CSRNP3: variants seen among roughly 807,000 people sequenced by gnomAD.
CSRNP3 encodes the protein cysteine and serine rich nuclear protein 3, also known as cysteine/serine-rich nuclear protein 3.
CSRNP3 carries 12 observed loss-of-function variants against 48.0 expected under a neutral mutation model. That is an observed-to-expected ratio of 0.25 (90% CI 0.16 to 0.41). CSRNP3 has a LOEUF of 0.41. Ranked by LOEUF, CSRNP3 falls within the 10% of genes least tolerant of loss-of-function variation. The pLI is 1.00. For synonymous variants in CSRNP3, 263 were observed against 269.7 expected (o/e 0.98, Z 0.24); for missense variants, 580 against 724.4 (o/e 0.80, Z 2.29).
intron 3 of CSRNP3, among the ~76,000 whole-genome samples, chr2:165,521,704 A>G (rs979328125): frequency 4.6e-5 from 7 of 152,260 alleles, no homozygotes; most frequent in African/African-American, 1.4e-4. Context: ...CTTCAGCACT[A>G]TTGAGATTTG....
intron 3 of CSRNP3, among the ~76,000 whole-genome samples, chr2:165,546,296 G>A (rs1180213916): frequency 2.6e-5 from 4 of 152,046 alleles, no homozygotes; most frequent in Non-Finnish European, 4.4e-5. Flanking sequence ...GGGTTCAAGC[G>A]ATTCTCCTGC....
Position 165,506,134 on chromosome 2 carries a change from G to A in CSRNP3, c.-113+11206G>A, listed in dbSNP as rs115972677. Among the ~76,000 whole-genome samples, 856 of 152,220 alleles carry A rather than the reference G, an allele frequency of 5.6e-3. 7 individuals are homozygous for A. Among genetic ancestry groups the A allele is most frequent in the African/African-American group, 0.02 (822 of 41,532 alleles). ...CTCCTACCCATATATGGGATTACGGGTTCCCCAGATGATCTGCGGAAGATG... is the reference window on the plus strand; with the variant it reads ...CTCCTACCCATATATGGGATTACGGATTCCCCAGATGATCTGCGGAAGATG... On this transcript the variant is annotated intron_variant, in intron 2 of 6. Coordinates refer to ENST00000651982, the MANE Select transcript of CSRNP3 (RefSeq NM_001172173.2).
At chr2:165,576,935 T>C (rs1461433705) in intron 3 of CSRNP3, among the ~76,000 whole-genome samples, 3 of 152,000 alleles carry the variant, frequency 2.0e-5, no homozygotes, top group South Asian at 2.1e-4. Flanking sequence ...TGCTCTTTGA[T>C]TACCAGTCTG....
chr2:165,522,085 G>A (rs1684670867), intron 3 of CSRNP3, among the ~76,000 whole-genome samples: 1 of 152,104 alleles, frequency 6.6e-6, no homozygotes, highest in South Asian at 2.1e-4. Flanking sequence ...GAGTCCAGGA[G>A]TTTGAGACCA....
intron 3 of CSRNP3, among the ~76,000 whole-genome samples, chr2:165,539,601 G>C (rs73969293): frequency 6.6e-6 from 1 of 152,000 alleles, no homozygotes; most frequent in East Asian, 1.9e-4. Flanking sequence ...TGTATAAAAA[G>C]ATGCTTAATA....
chr2:165,559,469 C>A (rs886202403), intron 3 of CSRNP3, among the ~76,000 whole-genome samples: 27 of 152,164 alleles, frequency 1.8e-4, no homozygotes, highest in Middle Eastern at 3.4e-3. Flanking sequence ...ACTTTAAATA[C>A]ACTAGACCAA....
chr2:165,615,372 T>C (rs1193888065), intron 4 of CSRNP3, among the ~76,000 whole-genome samples: 1 of 151,920 alleles, frequency 6.6e-6, no homozygotes, highest in Non-Finnish European at 1.5e-5. Flanking sequence ...TGAAACCCCA[T>C]CTCTACTAAA....
chr2:165,479,767 T>C (rs1684014678), intron 1 of CSRNP3, among the ~76,000 whole-genome samples: 1 of 151,810 alleles, frequency 6.6e-6, no homozygotes, highest in Middle Eastern at 3.4e-3. Flanking sequence ...ATGCCTATAG[T>C]CCTAGCTACT....
At chr2:165,588,316 T>C (rs1432147435) in intron 3 of CSRNP3, among the ~76,000 whole-genome samples, 2 of 152,250 alleles carry the variant, frequency 1.3e-5, no homozygotes, top group Non-Finnish European at 1.5e-5. Context: ...ATAAGCCATC[T>C]TGAGGATTTT....
intron 4 of CSRNP3, among the ~76,000 whole-genome samples, chr2:165,604,884 A>G (rs2105304813): frequency 6.6e-6 from 1 of 152,326 alleles, no homozygotes; most frequent in African/African-American, 2.4e-5. Flanking sequence ...AAATAGTAAC[A>G]TTTGATTTAG....
Position 165,592,722 on chromosome 2 carries a change from G to T in CSRNP3, c.-23-2321G>T, listed in dbSNP as rs575262667. ...CTGCCATGTGAAGAAGAATGTGTTT[G>T]CTTCCCCTTCTGCCATGATTGTAAG... On this transcript the variant is annotated intron_variant, in intron 3 of 6. Transcript: ENST00000651982. Among the ~76,000 whole-genome samples the T allele has an allele frequency of 7.2e-5, 11 of 151,806 alleles. No individual in the cohort carries two copies. The East Asian group carries it at 1.9e-3, about 27-fold the overall frequency.
chr2:165,653,682 C>T (rs945432356), intron 4 of CSRNP3, among the ~76,000 whole-genome samples: 7 of 151,836 alleles, frequency 4.6e-5, no homozygotes, highest in African/African-American at 1.7e-4. Flanking sequence ...ACTAAAATTA[C>T]CAGAGGTGGC....
At chr2:165,618,005 G>T (rs1329116363) in intron 4 of CSRNP3, among the ~76,000 whole-genome samples, 1 of 152,168 alleles carries the variant, frequency 6.6e-6, no homozygotes. Flanking sequence ...CTGAATGTTG[G>T]CTCTGCTTTT....
chr2:165,500,809 T>A (rs1574807050), intron 2 of CSRNP3, among the ~76,000 whole-genome samples: 1 of 152,096 alleles, frequency 6.6e-6, no homozygotes, highest in Non-Finnish European at 1.5e-5. Context: ...ACTCCCACAT[T>A]TTTGAAAATG....
chr2:165,486,424 G>A (rs1413780871), intron 1 of CSRNP3, among the ~76,000 whole-genome samples: 9 of 144,542 alleles, frequency 6.2e-5, no homozygotes, highest in Non-Finnish European at 7.7e-5. Flanking sequence ...CAGGAAGCTC[G>A]AACTGGGTGG....
intron 4 of CSRNP3, among the ~76,000 whole-genome samples, chr2:165,606,012 T>G (rs1165933580): frequency 2.0e-5 from 3 of 151,528 alleles, no homozygotes; most frequent in African/African-American, 7.3e-5. Flanking sequence ...GAAGTAAGAG[T>G]CTGTTCCAGT....
At chr2:165,501,522 A>G (rs1377792277) in intron 2 of CSRNP3, among the ~76,000 whole-genome samples, 2 of 152,176 alleles carry the variant, frequency 1.3e-5, no homozygotes, top group African/African-American at 4.8e-5. Context: ...CCTTTGTCCT[A>G]TATTTCCCCC....
At chr2:165,560,620 G>A (rs1039924914) in intron 3 of CSRNP3, among the ~76,000 whole-genome samples, 6 of 152,126 alleles carry the variant, frequency 3.9e-5, no homozygotes, top group Non-Finnish European at 7.3e-5. Context: ...CTAAACCACA[G>A]GAAGCATAAC....
intron 3 of CSRNP3, among the ~76,000 whole-genome samples, chr2:165,593,725 C>T (rs1027314639): frequency 3.1e-4 from 47 of 151,880 alleles, no homozygotes; most frequent in African/African-American, 8.5e-4. Context: ...TATACTCTGG[C>T]GGAAAAAGGA....
Sources: gnomAD v4.1 joint callset for allele counts (sites outside exome capture counted in the v4.1 genomes callset) on GRCh38, gnomAD v4.1.1 for gene constraint, MANE v1.5 for transcripts, NCBI Gene and HGNC (gene_info 2026-07-23, HGNC 2026-07-21) for gene names.